Variants in PCDHGB6 observed in about 807,000 individuals in gnomAD.
The protein encoded by PCDHGB6 is protocadherin gamma-B6.
A neutral mutation model predicts 59.1 loss-of-function variants in PCDHGB6; 51 were observed. That is an observed-to-expected ratio of 0.86 (90% CI 0.69 to 1.09). The LOEUF (loss-of-function observed/expected upper bound fraction) is 1.09, where lower values mean the gene tolerates loss of function less well. PCDHGB6 is among the 50% of genes least tolerant of loss of function. The probability of loss-of-function intolerance (pLI) is 0.00; values close to 1 mark genes in which losing one functional copy is unlikely to be tolerated. For missense variants in PCDHGB6, 1,148 were observed against 1,205.1 expected (o/e 0.95, Z 0.70); for synonymous variants, 466 against 495.1 (o/e 0.94, Z 0.78).
chr5:141,501,902 C>G (rs2154593013), intron 2 of PCDHGB6, among the ~76,000 whole-genome samples: 1 of 152,202 alleles, frequency 6.6e-6, no homozygotes, highest in East Asian at 1.9e-4. Flanking sequence ...GGTTCCAACC[C>G]CACTGTTCCA....
At position 141,431,245 on chromosome 5, in the gene PCDHGB6, C is replaced by A. The variant is rs761126985; in HGVS notation, c.2418+20625C>A. The A allele has an allele frequency of 5.0e-6, 8 of 1,614,016 alleles. No individual in the cohort carries two copies. In the Admixed American group the frequency reaches 1.2e-4, roughly 24 times the overall value. On this transcript the variant is annotated intron_variant, in intron 1 of 3. Coordinates refer to ENST00000520790, the MANE Select transcript of PCDHGB6 (RefSeq NM_018926.3). This position sits in a 1 kb window ranked among gnomAD's most constrained non-coding sequence, Gnocchi z 4.8. ...TACCCCACGCCTGGGATCCGGATAT[C>A]GGGAAGAACTCTCTGCAGAGCTACG... is the stretch of plus-strand genomic sequence containing the variant.
chr5:141,413,265 T>C, intron 1 of PCDHGB6: 1 of 1,613,958 alleles, frequency 6.2e-7, no homozygotes, highest in Non-Finnish European at 8.5e-7. Context: ...CATGGGAGGC[T>C]GGAGCCCGGC....
rs1298454674 is a variant in PCDHGB6, at chr5:141,438,625, TATATATATATAC to T, written c.2418+28007_2418+28018del. 7.7e-3 allele frequency among the ~76,000 whole-genome samples: 357 copies of T among 46,390 alleles called. 5 individuals are homozygous for T. The East Asian group carries it at 0.082, about 11-fold the overall frequency. 30.4% of individuals were successfully genotyped at this position (46,390 alleles called of 152,430 possible). A position where few individuals can be genotyped will look rare whatever the true frequency, so the allele number is the denominator to read the frequency against. On this transcript the variant is annotated intron_variant, in intron 1 of 3. Transcript: ENST00000520790. ...ATATATATATATATATATATATATATATATATATATACACACACACACACACATATATGTATA... is the reference window on the plus strand; with the variant it reads ...ATATATATATATATATATATATATATACACACACACACACATATATGTATA...
At chr5:141,427,896 C>T in intron 1 of PCDHGB6, 2 of 1,570,508 alleles carry the variant, frequency 1.3e-6, no homozygotes, top group Non-Finnish European at 1.7e-6. Context: ...CCAGGGCTCG[C>T]CCGCGCTCAG....
At chr5:141,456,309 A>T (rs1305324857) in intron 1 of PCDHGB6, among the ~76,000 whole-genome samples, 1 of 152,138 alleles carries the variant, frequency 6.6e-6, no homozygotes, top group Non-Finnish European at 1.5e-5. Flanking sequence ...AACAGCAGCT[A>T]GGGCTCCTCC....
At position 141,408,301 on chromosome 5, in the gene PCDHGB6, C is replaced by T. The variant is rs1472435921; in HGVS notation, c.99C>T (p.Ile33=). 3.1e-6 allele frequency: 5 copies of T among 1,613,756 alleles called. No individual in the cohort carries two copies. In the Admixed American group the frequency reaches 8.3e-5, roughly 27 times the overall value. ...TCTACCCCACCCTGAGTGAGCCGAT[C>T]CGCTACTCGATTCCGGAGGAGCTGG... ...PLFYPTLSEP[I]RYSIPEELAK... Residue 33 remains isoleucine, a synonymous_variant, in exon 1 of 4, where the codon ATC becomes ATT. Transcript: ENST00000520790.
rs777288812 is a variant in PCDHGB6 at position 141,487,236 on chromosome 5, G to A, written c.2419-7571G>A. The A allele has an allele frequency of 1.7e-5, 28 of 1,613,962 alleles. No homozygotes were observed. The highest frequency in any genetic ancestry group is 1.4e-4 in the South Asian group (13 of 91,070). On this transcript the variant is annotated intron_variant, in intron 1 of 3. Coordinates refer to ENST00000520790, the MANE Select transcript of PCDHGB6 (RefSeq NM_018926.3). This position sits in a 1 kb window ranked among gnomAD's most constrained non-coding sequence, Gnocchi z 5.0. ...TCAGCTCCAAGGGAAGGAGAATCTC[G>A]TCTAACCCTCTACTTGGCTGTGTCC... is the stretch of plus-strand genomic sequence containing the variant.
chr5:141,410,022 A>C lies in PCDHGB6; in HGVS notation c.1820A>C (p.His607Pro), dbSNP rs557770094. The C allele has an allele frequency of 1.2e-6, 2 of 1,613,094 alleles. No individual in the cohort carries two copies. The highest frequency in any genetic ancestry group is 2.2e-5 in the South Asian group (2 of 91,062). The change falls in exon 1 of 4, where the codon CAC becomes CCC. Residue 607 changes from histidine (H) to proline (P), a missense_variant. Around this residue, in one of 5 missense-constraint regions of PCDHGB6, gnomAD observed 549 missense variants for 527.5 expected, o/e 1.04. Coordinates refer to ENST00000520790, the MANE Select transcript of PCDHGB6 (RefSeq NM_018926.3). ...DSGHNAWLSYHVLQASEPGLF... is the reference protein window; with the variant it reads ...DSGHNAWLSYPVLQASEPGLF... ...GGACACAACGCCTGGCTGTCCTACC[A>C]CGTGCTGCAGGCCAGTGAGCCCGGA...
chr5:141,470,054 C>T (rs895181664), intron 1 of PCDHGB6, among the ~76,000 whole-genome samples: 2 of 152,118 alleles, frequency 1.3e-5, no homozygotes, highest in African/African-American at 4.8e-5. Flanking sequence ...GTTTGAACCC[C>T]GGAGGCAGAG....
rs369240403 is a variant in PCDHGB6 at position 141,409,386 on chromosome 5, A to C, written c.1184A>C (p.Tyr395Ser). Residue 395 changes from tyrosine to serine, a missense_variant, in exon 1 of 4, where the codon TAT becomes TCT. By Grantham distance (144) the Tyr-to-Ser change is moderately radical (BLOSUM62 -2). Around this residue, in one of 5 missense-constraint regions of PCDHGB6, gnomAD observed 549 missense variants for 527.5 expected, o/e 1.04. Coordinates refer to ENST00000520790, the MANE Select transcript of PCDHGB6 (RefSeq NM_018926.3). ...NIETDIPFKI[Y>S]SSSNNYYKLV... ...GAAACAGACATTCCATTCAAGATTT[A>C]TTCTTCTTCCAATAACTACTACAAA... is the stretch of plus-strand genomic sequence containing the variant. 2 of 1,613,914 alleles carry C rather than the reference A, an allele frequency of 1.2e-6. No individual in the cohort carries two copies. Among genetic ancestry groups the C allele is most frequent in the African/African-American group, 2.7e-5 (2 of 74,944 alleles).
chr5:141,424,776 A>G (rs1406581367), intron 1 of PCDHGB6: 2 of 152,154 alleles, frequency 1.3e-5, no homozygotes, highest in African/African-American at 4.8e-5. Context: ...CAAATAGTAC[A>G]TTCAGTTCTT....
At chr5:141,433,099 C>T (rs1003269683) in intron 1 of PCDHGB6, 1 of 1,614,190 alleles carries the variant, frequency 6.2e-7, no homozygotes, top group Non-Finnish European at 8.5e-7. Context: ...ACATGCTCGT[C>T]AGCCAGGAGA....
chr5:141,477,344 A>C lies in PCDHGB6; in HGVS notation c.2419-17463A>C. On this transcript the variant is annotated intron_variant, in intron 1 of 3. Coordinates refer to ENST00000520790, the MANE Select transcript of PCDHGB6 (RefSeq NM_018926.3). The surrounding 1 kb of genome is among the most constrained non-coding windows in gnomAD (Gnocchi z 4.9). Reference sequence around the variant, plus strand: ...TTCCCTCAAGAATTACTTCACTTTGAAAACCAGTGCAGACCTGGATCGGGA... The same window carrying C: ...TTCCCTCAAGAATTACTTCACTTTGCAAACCAGTGCAGACCTGGATCGGGA... 6.2e-7 allele frequency: 1 copy of C among 1,614,154 alleles called. No homozygotes were observed. The highest frequency in any genetic ancestry group is 8.5e-7 in the Non-Finnish European group (1 of 1,180,034).
At position 141,486,804 on chromosome 5, in the gene PCDHGB6, C is replaced by G. The variant is rs755001457; in HGVS notation, c.2419-8003C>G. On this transcript the variant is annotated intron_variant, in intron 1 of 3. Transcript: ENST00000520790. This position sits in a 1 kb window ranked among gnomAD's most constrained non-coding sequence, Gnocchi z 5.0. ...CAGGCCCGGGATCGGGGCAACCCAC[C>G]CCTTAGCAGCACTGTAACAGTTCGT... 2 of 1,614,232 alleles carry G rather than the reference C, an allele frequency of 1.2e-6. No homozygotes were observed. The highest frequency in any genetic ancestry group is 3.3e-5 in the Admixed American group (2 of 60,032).
chr5:141,421,854 C>CCTG (rs761444125), intron 1 of PCDHGB6: 2 of 1,613,762 alleles, frequency 1.2e-6, no homozygotes, highest in Non-Finnish European at 1.7e-6. Flanking sequence ...AGGCTGCTCA[C>CCTG]CTGCTCCTCC....
intron 1 of PCDHGB6, among the ~76,000 whole-genome samples, chr5:141,467,047 A>G (rs1271306217): frequency 1.3e-5 from 2 of 149,986 alleles, no homozygotes; most frequent in East Asian, 3.9e-4. Context: ...GTAATGAATC[A>G]ATGTTTTCTT....
chr5:141,409,805 C>T lies in PCDHGB6; in HGVS notation c.1603C>T (p.Arg535Cys), dbSNP rs751397816. 8 of 1,611,512 alleles carry T rather than the reference C, an allele frequency of 5.0e-6. No individual in the cohort carries two copies. The African/African-American group carries it at 5.3e-5, about 11-fold the overall frequency. ...LRAFALTLQA[R>C]DHGSPTLSAN... ...CGCCTTCGCGCTCACGCTGCAGGCC[C>T]GCGACCACGGCTCGCCCACGCTCAG... is the stretch of plus-strand genomic sequence containing the variant. Residue 535 changes from arginine to cysteine, a missense_variant, in exon 1 of 4, where the codon CGC becomes TGC. By Grantham distance (180) the Arg-to-Cys change is radical. Around this residue, in one of 5 missense-constraint regions of PCDHGB6, gnomAD observed 549 missense variants for 527.5 expected, o/e 1.04. Coordinates refer to ENST00000520790, the MANE Select transcript of PCDHGB6 (RefSeq NM_018926.3).
intron 1 of PCDHGB6, chr5:141,419,057 A>T: frequency 6.2e-7 from 1 of 1,613,900 alleles, no homozygotes; most frequent in East Asian, 2.2e-5. Flanking sequence ...TTCTTCTAAT[A>T]ATTACTACAA....
rs111263562 is a variant in PCDHGB6, at chr5:141,487,812, T to C, written c.2419-6995T>C. The C allele has an allele frequency of 1.1e-4, 148 of 1,408,204 alleles. 1 individual carries two copies. Among genetic ancestry groups the C allele is most frequent in the South Asian group, 1.6e-4 (12 of 73,988 alleles). The allele number at this position is 1,408,204 out of a possible 1,614,324, so 87.2% of individuals were successfully genotyped here. On this transcript the variant is annotated intron_variant, in intron 1 of 3. Coordinates refer to ENST00000520790, the MANE Select transcript of PCDHGB6 (RefSeq NM_018926.3). The surrounding 1 kb of genome is among the most constrained non-coding windows in gnomAD (Gnocchi z 5.0). ...TAACCAGAGTTGTCACAGTTTAGCA[T>C]TGGGGGCGGGTCATGCCTATATCTG...
Sources: gnomAD v4.1 joint callset for allele counts (sites outside exome capture counted in the v4.1 genomes callset) on GRCh38, gnomAD v4.1.1 for gene constraint, gnomAD v4.1.1 regional missense constraint, Gnocchi (gnomAD v3.1) non-coding constraint, MANE v1.5 for transcripts, NCBI Gene and HGNC (gene_info 2026-07-23, HGNC 2026-07-21) for gene names.